Variants in RNF141 observed in about 807,000 individuals in gnomAD.
RNF141 encodes ring finger protein 141, also known as C3HC4-like zinc finger protein.
RNF141 carries 18 observed loss-of-function variants against 27.4 expected under a neutral mutation model. The ratio of observed to expected loss-of-function variants is 0.66; its 90% CI spans 0.45 to 0.97. The LOEUF (loss-of-function observed/expected upper bound fraction) is 0.97. RNF141 is among the 50% of genes least tolerant of loss of function. RNF141 has a pLI of 0.00. For missense variants in RNF141, 230 were observed against 279.4 expected (o/e 0.82, Z 1.26); for synonymous variants, 97 against 96.6 (o/e 1.00, Z -0.02).
rs1014633670 is a variant in RNF141, at chr11:10,534,786, A to T, written c.-47-581T>A. Reference sequence around the variant, plus strand: ...GATTCTAGTACTTACATTCTTATCCACTATGACATACTGGCTCACAATATA... The same window carrying T: ...GATTCTAGTACTTACATTCTTATCCTCTATGACATACTGGCTCACAATATA... On this transcript the variant is annotated intron_variant, in intron 1 of 5. Transcript: ENST00000265981. 7.9e-5 allele frequency among the ~76,000 whole-genome samples: 12 copies of T among 152,216 alleles called. No individual in the cohort carries two copies. The East Asian group carries it at 1.9e-3, about 24-fold the overall frequency.
chr11:10,534,126 CAACT>C lies in RNF141; in HGVS notation c.29_32del (p.Gln10ArgfsTer10). 1 of 1,613,376 alleles carries C rather than the reference CAACT, an allele frequency of 6.2e-7. No individual in the cohort carries two copies. Among genetic ancestry groups the C allele is most frequent in the Non-Finnish European group, 8.5e-7 (1 of 1,179,572 alleles). On this transcript the variant is annotated frameshift_variant, in exon 2 of 6. Transcript: ENST00000265981. LOFTEE classifies it high-confidence loss of function. ...CTTTTTCTGGTAACTTGTTAATAAC[CAACT>C]GTGTCTGATCCGAAATTTGCTGTCC...
At chr11:10,515,272 G>A in intron 5 of RNF141, 3 of 579,596 alleles carry the variant, frequency 5.2e-6, no homozygotes, top group African/African-American at 1.9e-5. Context: ...TTCCTCCAGA[G>A]ATAGACTAAG....
At chr11:10,519,240 A>G (rs897789477) in intron 4 of RNF141, 99 bp from the exon 5 acceptor site, 13 of 981,692 alleles carry the variant, frequency 1.3e-5, no homozygotes, top group Middle Eastern at 4.2e-4. Flanking sequence ...CTATATGCCC[A>G]CAGTATAAAG....
chr11:10,532,676 C>T (rs1414962164), intron 2 of RNF141, among the ~76,000 whole-genome samples: 2 of 152,134 alleles, frequency 1.3e-5, no homozygotes, highest in Non-Finnish European at 2.9e-5. Flanking sequence ...TATGTCTTCA[C>T]ATAAAGACAG....
rs1206755466 is a variant in RNF141 at position 10,514,830 on chromosome 11, T to C, written c.*86A>G. 4 of 1,284,878 alleles carry C rather than the reference T, an allele frequency of 3.1e-6. No homozygotes were observed. Among genetic ancestry groups the C allele is most frequent in the Non-Finnish European group, 4.2e-6 (4 of 943,558 alleles). The allele number at this position is 1,284,878 out of a possible 1,614,324, so 79.6% of individuals were successfully genotyped here. ...AGTGGGGAAAATGGATTTTCCTGTG[T>C]CTGTGCCAGTGCCACAACCCTACAT... is the stretch of plus-strand genomic sequence containing the variant. On this transcript the variant is annotated 3_prime_UTR_variant, in exon 6 of 6. Coordinates refer to ENST00000265981, the MANE Select transcript of RNF141 (RefSeq NM_016422.4).
At chr11:10,537,961 C>A (rs144173377) in intron 1 of RNF141, among the ~76,000 whole-genome samples, 5 of 152,358 alleles carry the variant, frequency 3.3e-5, no homozygotes, top group Non-Finnish European at 7.3e-5. Flanking sequence ...GCACTTCTTA[C>A]ATCTGCTGCT....
At chr11:10,524,578 G>T (rs1055660504) in intron 4 of RNF141, among the ~76,000 whole-genome samples, 2 of 152,174 alleles carry the variant, frequency 1.3e-5, no homozygotes, top group African/African-American at 4.8e-5. Context: ...GATCATGATT[G>T]TCAAATGTCA....
At chr11:10,534,894 A>T (rs10840434) in intron 1 of RNF141, among the ~76,000 whole-genome samples, 97,681 of 151,858 alleles carry the variant, frequency 0.64, 31,693 homozygotes, top group East Asian at 0.85. Context: ...AATATATAAA[A>T]AGACTTGTGG....
intron 5 of RNF141, among the ~76,000 whole-genome samples, chr11:10,518,136 T>C (rs1849857298): frequency 6.6e-6 from 1 of 152,204 alleles, no homozygotes. Flanking sequence ...TCTCATATGC[T>C]GCTAGTGGGG....
intron 1 of RNF141, among the ~76,000 whole-genome samples, chr11:10,534,419 A>C (rs896341385): frequency 6.6e-6 from 1 of 152,040 alleles, no homozygotes; most frequent in African/African-American, 2.4e-5. Flanking sequence ...GAGGGTGATG[A>C]ACCTCTAATT....
intron 4 of RNF141, among the ~76,000 whole-genome samples, chr11:10,521,480 C>G (rs1387142713): frequency 6.6e-6 from 1 of 152,126 alleles, no homozygotes; most frequent in Non-Finnish European, 1.5e-5. Flanking sequence ...ACTGACTGTT[C>G]CAAAGTACAG....
At position 10,514,192 on chromosome 11, in the gene RNF141, G is replaced by A. The variant is rs561067467; in HGVS notation, c.*724C>T. ...AGAACAGTTACCCAGCTGTGGGAAA[G>A]CATTTCCAGAACAGCCAAGAAAATT... is the stretch of plus-strand genomic sequence containing the variant. On this transcript the variant is annotated 3_prime_UTR_variant, in exon 6 of 6. Transcript: ENST00000265981. 1 of 152,306 alleles carries A rather than the reference G, an allele frequency of 6.6e-6. No homozygotes were observed. Among genetic ancestry groups the A allele is most frequent in the Admixed American group, 6.5e-5 (1 of 15,308 alleles). 9.4% of individuals were successfully genotyped at this position (152,306 alleles called of 1,614,324 possible). A position where few individuals can be genotyped will look rare whatever the true frequency, so the allele number is the denominator to read the frequency against.
chr11:10,525,438 G>C, intron 3 of RNF141, 65 bp from the exon 4 acceptor site: 1 of 1,255,742 alleles, frequency 8.0e-7, no homozygotes, highest in Non-Finnish European at 1.1e-6. Context: ...TTCCCAAAAA[G>C]GGGGAACAAA....
At chr11:10,520,998 A>G (rs1849883485) in intron 4 of RNF141, among the ~76,000 whole-genome samples, 1 of 152,250 alleles carries the variant, frequency 6.6e-6, no homozygotes, top group African/African-American at 2.4e-5. Context: ...GAGTGAAAGA[A>G]TAGTTTAGTC....
At chr11:10,525,771 TCAAA>T (rs1849931312) in intron 3 of RNF141, among the ~76,000 whole-genome samples, 1 of 152,200 alleles carries the variant, frequency 6.6e-6, no homozygotes, top group Non-Finnish European at 1.5e-5. Context: ...ATTCTACAAC[TCAAA>T]CAAGTACTTT....
intron 4 of RNF141, among the ~76,000 whole-genome samples, chr11:10,524,174 G>A (rs1257995936): frequency 1.3e-5 from 2 of 152,190 alleles, no homozygotes; most frequent in Non-Finnish European, 2.9e-5. Context: ...CAGCACTCTG[G>A]GAGGCCGAGG....
At chr11:10,537,295 A>G (rs1356711959) in intron 1 of RNF141, among the ~76,000 whole-genome samples, 4 of 152,318 alleles carry the variant, frequency 2.6e-5, no homozygotes, top group Non-Finnish European at 5.9e-5. Context: ...GAAGTGGAGT[A>G]GGTGACCTTT....
chr11:10,522,205 G>A (rs959745868), intron 4 of RNF141, among the ~76,000 whole-genome samples: 3 of 152,174 alleles, frequency 2.0e-5, no homozygotes, highest in African/African-American at 7.2e-5. Context: ...GATGGATATG[G>A]GTCTAATGTA....
At chr11:10,531,388 A>AAAAG (rs1849985273) in intron 2 of RNF141, among the ~76,000 whole-genome samples, 1 of 150,748 alleles carries the variant, frequency 6.6e-6, no homozygotes, top group Non-Finnish European at 1.5e-5. Flanking sequence ...AAAAAAAAAA[A>AAAAG]GGTTAGCTAG....
Sources: allele counts gnomAD v4.1 joint callset (sites outside exome capture counted in the v4.1 genomes callset), GRCh38; gene constraint gnomAD v4.1.1; transcripts MANE v1.5; gene names NCBI Gene and HGNC (gene_info 2026-07-23, HGNC 2026-07-21).